The following LRP1B variants were observed in gnomAD, a reference collection of about 807,000 sequenced individuals.
LRP1B encodes the protein low-density lipoprotein receptor-related protein 1B.
LRP1B carries 217 observed loss-of-function variants against 556.6 expected under a neutral mutation model. The observed-to-expected ratio is 0.39, with a 90% confidence interval of 0.35 to 0.44. The LOEUF (loss-of-function observed/expected upper bound fraction) is 0.44. Ranked by LOEUF, LRP1B falls within the 20% of genes least tolerant of loss-of-function variation. The pLI is 1.00. For missense variants in LRP1B, 5,053 were observed against 5,620.8 expected (o/e 0.90, Z 3.23); for synonymous variants, 2,047 against 1,865.8 (o/e 1.10, Z -2.50).
At chr2:141,829,916 G>T (rs1315524036) in intron 1 of LRP1B, among the ~76,000 whole-genome samples, 1 of 151,896 alleles carries the variant, frequency 6.6e-6, no homozygotes, top group Non-Finnish European at 1.5e-5. Flanking sequence ...TTAGAATAAA[G>T]GCATGAGGAA....
At chr2:140,842,447 C>T (rs868691204) in intron 29 of LRP1B, among the ~76,000 whole-genome samples, 7 of 152,294 alleles carry the variant, frequency 4.6e-5, no homozygotes, top group South Asian at 2.1e-4. Context: ...AGATACTACT[C>T]GTGGTTCCAG....
At chr2:141,251,370 T>C (rs571922098) in intron 4 of LRP1B, among the ~76,000 whole-genome samples, 1 of 152,200 alleles carries the variant, frequency 6.6e-6, no homozygotes, top group South Asian at 2.1e-4. Flanking sequence ...AATAAGATAA[T>C]TGGGAAAGTA....
At chr2:140,985,371 C>T (rs956330850) in intron 17 of LRP1B, among the ~76,000 whole-genome samples, 1 of 149,638 alleles carries the variant, frequency 6.7e-6, no homozygotes, top group Non-Finnish European at 1.5e-5. Flanking sequence ...TTATACTTAT[C>T]TAGTATGAAT....
At chr2:140,608,422 C>T (rs1426180772) in intron 41 of LRP1B, among the ~76,000 whole-genome samples, 2 of 152,270 alleles carry the variant, frequency 1.3e-5, no homozygotes, top group Non-Finnish European at 2.9e-5. Context: ...TTTTCGTGAT[C>T]GTGGATCTGT....
chr2:141,162,073 G>A (rs2105114444), intron 7 of LRP1B, among the ~76,000 whole-genome samples: 1 of 152,102 alleles, frequency 6.6e-6, no homozygotes, highest in Non-Finnish European at 1.5e-5. Context: ...TCTGTTCCTA[G>A]GCATATTATG....
intron 3 of LRP1B, among the ~76,000 whole-genome samples, chr2:141,411,669 T>A (rs191219785): frequency 6.6e-6 from 1 of 152,294 alleles, no homozygotes; most frequent in East Asian, 1.9e-4. Context: ...GTCCTGCTAA[T>A]GCAGTTGAAA....
chr2:140,742,407 A>T (rs1330715170), intron 35 of LRP1B, among the ~76,000 whole-genome samples: 2 of 152,158 alleles, frequency 1.3e-5, no homozygotes, highest in Non-Finnish European at 2.9e-5. Context: ...TATTTCTAGC[A>T]TTGCATTTAA....
At chr2:140,627,771 T>C (rs502617) in intron 41 of LRP1B, among the ~76,000 whole-genome samples, 111,304 of 152,070 alleles carry the variant, frequency 0.73, 40,841 homozygotes, top group African/African-American at 0.76. Context: ...AACCACAGCT[T>C]TAGAGTAAGG....
intron 27 of LRP1B, among the ~76,000 whole-genome samples, chr2:140,860,651 A>G (rs1692759350): frequency 6.6e-6 from 1 of 152,074 alleles, no homozygotes; most frequent in Non-Finnish European, 1.5e-5. Flanking sequence ...TAAAATAACA[A>G]TCACATTCTT....
At position 141,329,650 on chromosome 2, in the gene LRP1B, A is replaced by AAAAAAAACAAAAC. The variant is rs1559009028; in HGVS notation, c.344-75010_344-75009insGTTTTGTTTTTTT. On this transcript the variant is annotated intron_variant, in intron 3 of 90. Coordinates refer to ENST00000389484, the MANE Select transcript of LRP1B (RefSeq NM_018557.3). ...CAGAGCGAGACTCTGTCTCAAAAAAAAAAAAAAAAAAAAAACTATCTCTCT... is the reference window on the plus strand; with the variant it reads ...CAGAGCGAGACTCTGTCTCAAAAAAAAAAAAAACAAAACAAAAAAAAAAAAAAACTATCTCTCT... Among the ~76,000 whole-genome samples the AAAAAAAACAAAAC allele has an allele frequency of 9.9e-5, 4 of 40,542 alleles. 1 individual carries two copies. Among genetic ancestry groups the AAAAAAAACAAAAC allele is most frequent in the African/African-American group, 4.4e-4 (4 of 9,082 alleles). 26.6% of individuals were successfully genotyped at this position (40,542 alleles called of 152,430 possible). A position where few individuals can be genotyped will look rare whatever the true frequency, so the allele number is the denominator to read the frequency against.
chr2:141,718,071 CT>C, intron 2 of LRP1B, among the ~76,000 whole-genome samples: 1 of 152,198 alleles, frequency 6.6e-6, no homozygotes, highest in Non-Finnish European at 1.5e-5. Flanking sequence ...ATTATCAGAT[CT>C]TGCAAGTCAC....
intron 1 of LRP1B, among the ~76,000 whole-genome samples, chr2:141,815,950 G>T (rs1262430619): frequency 6.6e-6 from 1 of 152,200 alleles, no homozygotes; most frequent in Admixed American, 6.5e-5. Context: ...GGTTTAGAAT[G>T]ATTGCTGTAG....
chr2:141,884,103 G>A (rs1025487043), intron 1 of LRP1B, among the ~76,000 whole-genome samples: 9 of 152,140 alleles, frequency 5.9e-5, no homozygotes, highest in Non-Finnish European at 1.2e-4. Context: ...GGCTGGGTGT[G>A]GTTGCTCACA....
intron 3 of LRP1B, among the ~76,000 whole-genome samples, chr2:141,463,570 T>C (rs1682010820): frequency 1.7e-5 from 1 of 59,222 alleles, no homozygotes; most frequent in Non-Finnish European, 3.6e-5. Flanking sequence ...ATATATTATA[T>C]ATTATATATA....
chr2:142,006,256 T>C (rs1462900504), intron 1 of LRP1B, among the ~76,000 whole-genome samples: 1 of 152,134 alleles, frequency 6.6e-6, no homozygotes, highest in Non-Finnish European at 1.5e-5. Context: ...GTTTTCCAAT[T>C]TAACATTAAT....
chr2:140,717,804 A>G (rs1687264791), intron 35 of LRP1B, among the ~76,000 whole-genome samples: 3 of 152,156 alleles, frequency 2.0e-5, no homozygotes, highest in African/African-American at 7.2e-5. Flanking sequence ...ATTTATCAGC[A>G]AGCTTTGAGG....
chr2:141,237,342 T>C (rs1441903615), intron 5 of LRP1B, among the ~76,000 whole-genome samples: 3 of 145,234 alleles, frequency 2.1e-5, no homozygotes, highest in Non-Finnish European at 3.0e-5. Flanking sequence ...TGTTTTGTTT[T>C]GTGTTCTAGT....
At chr2:141,404,432 T>C (rs1041379316) in intron 3 of LRP1B, among the ~76,000 whole-genome samples, 1 of 152,092 alleles carries the variant, frequency 6.6e-6, no homozygotes, top group Non-Finnish European at 1.5e-5. Flanking sequence ...GGAAGTAAAA[T>C]ATGTAAGAGG....
At chr2:141,391,944 T>C (rs1690063193) in intron 3 of LRP1B, among the ~76,000 whole-genome samples, 1 of 152,152 alleles carries the variant, frequency 6.6e-6, no homozygotes, top group African/African-American at 2.4e-5. Context: ...CTACTATGTA[T>C]AAGTAAAAAT....
Sources: allele counts gnomAD v4.1 joint callset (sites outside exome capture counted in the v4.1 genomes callset), GRCh38; gene constraint gnomAD v4.1.1; transcripts MANE v1.5; gene names NCBI Gene and HGNC (gene_info 2026-07-23, HGNC 2026-07-21).